Variants in ISM1 observed in about 807,000 individuals in gnomAD.
ISM1 encodes the protein isthmin 1.
A neutral mutation model predicts 46.3 loss-of-function variants in ISM1; 25 were observed. The ratio of observed to expected loss-of-function variants is 0.54; its 90% CI spans 0.39 to 0.75. ISM1 has a LOEUF of 0.75. Among genes scored for constraint, ISM1 ranks in the 30% least tolerant of loss-of-function variants. ISM1 has a pLI of 0.00. For synonymous variants in ISM1, 255 were observed against 256.7 expected, an observed-to-expected ratio of 0.99 and a Z score of 0.06; for missense variants, 536 against 625.4, an observed-to-expected ratio of 0.86 and a Z score of 1.52.
chr20:13,287,471 A>G (rs1006503004), intron 3 of ISM1, among the ~76,000 whole-genome samples: 4 of 152,250 alleles, frequency 2.6e-5, no homozygotes, highest in East Asian at 1.9e-4. Context: ...GAGCCAAACC[A>G]TATCAATAGG....
the ISM1 span, among the ~76,000 whole-genome samples, chr20:13,306,079 G>GAA: frequency 3.7e-4 from 56 of 151,872 alleles, no homozygotes; most frequent in Admixed American, 7.9e-4. Context: ...CCCTCAAAAT[G>GAA]AAAAAAACCT....
Position 13,292,337 on chromosome 20 carries a change from T to G in ISM1, c.788-37T>G, listed in dbSNP as rs376908859. 3.0e-6 allele frequency: 4 copies of G among 1,351,286 alleles called. No homozygotes were observed. In the African/African-American group the frequency reaches 4.3e-5, roughly 15 times the overall value. 83.7% of individuals were successfully genotyped at this position (1,351,286 alleles called of 1,614,324 possible). ...GGGGTGGGGGAGATAACTTTTTCCA[T>G]GTAATGATGGAAAAATGAGCTCTTG... On this transcript the variant is annotated intron_variant, in intron 4 of 5. Transcript: ENST00000262487.
chr20:13,264,655 G>C (rs745390742), intron 1 of ISM1, among the ~76,000 whole-genome samples: 10 of 152,156 alleles, frequency 6.6e-5, no homozygotes, highest in Non-Finnish European at 8.8e-5. Context: ...ATCCACCTTG[G>C]TCACAAACAC....
chr20:13,288,904 C>A (rs1401704232), intron 4 of ISM1, among the ~76,000 whole-genome samples: 1 of 152,108 alleles, frequency 6.6e-6, no homozygotes, highest in African/African-American at 2.4e-5. Context: ...CCTGCCTCAG[C>A]CTCCTGAGTA....
intron 2 of ISM1, among the ~76,000 whole-genome samples, chr20:13,273,229 T>TATTTTATTTTATTTTATTTTATTTC (rs1296686643): frequency 2.0e-5 from 3 of 148,300 alleles, no homozygotes; most frequent in Non-Finnish European, 4.4e-5. Flanking sequence ...TATTTTATTT[T>TATTTTATTTTATTTTATTTTATTTC]ATTTTATTTT....
At chr20:13,298,092 A>T (rs1446964901) in intron 5 of ISM1, among the ~76,000 whole-genome samples, 1 of 151,728 alleles carries the variant, frequency 6.6e-6, no homozygotes, top group Non-Finnish European at 1.5e-5. Context: ...TTTATTTTTT[A>T]TTTTTATTAT....
rs567017602 is a variant in ISM1, at chr20:13,270,441, T to C, written c.139-63T>C. On this transcript the variant is annotated intron_variant, in intron 1 of 5. Transcript: ENST00000262487. ...CTTGCTCCTGAATATAATGGACTGT[T>C]AAGGGTGACATTTTTTAATCATGTG... The C allele has an allele frequency of 1.8e-5, 27 of 1,539,604 alleles. No homozygotes were observed. In the East Asian group the frequency reaches 5.8e-4, roughly 33 times the overall value.
chr20:13,272,287 C>A (rs576472213), intron 2 of ISM1, among the ~76,000 whole-genome samples: 4 of 152,194 alleles, frequency 2.6e-5, no homozygotes, highest in Admixed American at 2.6e-4. Flanking sequence ...TTTCGTTGAC[C>A]TGAGTTGTTT....
Position 13,280,629 on chromosome 20 carries a change from C to T in ISM1, c.643+731C>T, listed in dbSNP as rs2040229122. Among the ~76,000 whole-genome samples, 8 of 152,292 alleles carry T rather than the reference C, an allele frequency of 5.3e-5. 1 individual carries two copies. In the South Asian group the frequency reaches 1.7e-3, roughly 32 times the overall value. ...GCCTGAGAGTTATCCCCTGGATATT[C>T]TGTGTCCAGCTGGTGTCCAGGGAAA... On this transcript the variant is annotated intron_variant, in intron 3 of 5. Coordinates refer to ENST00000262487, the MANE Select transcript of ISM1 (RefSeq NM_080826.2).
chr20:13,246,880 TCTC>T (rs2039800440), intron 1 of ISM1, among the ~76,000 whole-genome samples: 1 of 151,986 alleles, frequency 6.6e-6, no homozygotes, highest in Non-Finnish European at 1.5e-5. Flanking sequence ...AATATCCTTC[TCTC>T]TTTTTTTTTT....
intron 4 of ISM1, among the ~76,000 whole-genome samples, chr20:13,289,664 G>A (rs2040331869): frequency 1.0e-5 from 1 of 96,632 alleles, no homozygotes; most frequent in Admixed American, 9.5e-5. Context: ...AAGAGAAGGA[G>A]GAGGAGGAGG....
At chr20:13,268,128 T>TCTCTTCTCTTCTCTTCTC (rs1158666822) in intron 1 of ISM1, among the ~76,000 whole-genome samples, 1 of 149,350 alleles carries the variant, frequency 6.7e-6, no homozygotes, top group East Asian at 2.0e-4. Context: ...TCTCTTCTCT[T>TCTCTTCTCTTCTCTTCTC]CTCTTCTCTT....
chr20:13,234,792 T>C (rs1040143192), intron 1 of ISM1, among the ~76,000 whole-genome samples: 1 of 152,250 alleles, frequency 6.6e-6, no homozygotes, highest in African/African-American at 2.4e-5. Flanking sequence ...GTCGACTTTT[T>C]AACGAGGTCA....
intron 1 of ISM1, 144 bp from the exon 2 acceptor site, chr20:13,270,360 T>A: frequency 1.2e-6 from 1 of 859,396 alleles, no homozygotes; most frequent in Non-Finnish European, 1.8e-6. Flanking sequence ...AAACCATGGG[T>A]TTGCAAAACA....
At chr20:13,229,216 T>A (rs994253745) in intron 1 of ISM1, among the ~76,000 whole-genome samples, 5 of 152,156 alleles carry the variant, frequency 3.3e-5, no homozygotes, top group Non-Finnish European at 7.4e-5. Context: ...GGATGAATCT[T>A]AAGGGTTCAG....
intron 1 of ISM1, among the ~76,000 whole-genome samples, chr20:13,255,104 A>G (rs1410090229): frequency 2.0e-5 from 3 of 152,200 alleles, no homozygotes; most frequent in African/African-American, 7.2e-5. Flanking sequence ...CAAATTAAAT[A>G]AGCAGAATGA....
chr20:13,288,437 C>A, intron 3 of ISM1, 103 bp from the exon 4 acceptor site: 1 of 1,256,266 alleles, frequency 8.0e-7, no homozygotes, highest in Non-Finnish European at 1.1e-6. Flanking sequence ...AATCCCCTCC[C>A]ACAGCGAGAA....
At position 13,299,267 on chromosome 20, in the gene ISM1, C is replaced by G. The variant is rs746309693; in HGVS notation, c.1203C>G (p.Gly401=). 2 of 1,608,856 alleles carry G rather than the reference C, an allele frequency of 1.2e-6. No individual in the cohort carries two copies. Among genetic ancestry groups the G allele is most frequent in the African/African-American group, 1.3e-5 (1 of 74,762 alleles). The stretch of plus-strand genomic sequence containing the variant: ...TCATCACCAGGGGCAAGGGGGCGGG[C>G]ACGCCCAACCTCATCAGCACCGAGT... ...MQLITRGKGA[G]TPNLISTEFS... is the part of the protein sequence containing the mutation. The change falls in exon 6 of 6, where the codon GGC becomes GGG. Residue 401 remains glycine, a synonymous_variant. Transcript: ENST00000262487. The surrounding 1 kb of genome is among the most constrained non-coding windows in gnomAD (Gnocchi z 5.8).
intron 1 of ISM1, among the ~76,000 whole-genome samples, chr20:13,247,519 T>TGG (rs2039811639): frequency 1.2e-5 from 1 of 85,950 alleles, no homozygotes; most frequent in Non-Finnish European, 2.2e-5. Context: ...AAGTGAGGGG[T>TGG]GTGTGTGTGT....
Sources: allele counts gnomAD v4.1 joint callset (sites outside exome capture counted in the v4.1 genomes callset), GRCh38; gene constraint gnomAD v4.1.1; non-coding constraint Gnocchi (gnomAD v3.1); transcripts MANE v1.5; gene names NCBI Gene and HGNC (gene_info 2026-07-23, HGNC 2026-07-21).